The following NALCN variants were observed in gnomAD, a reference collection of about 807,000 sequenced individuals.
NALCN encodes the protein sodium leak channel NALCN.
A neutral mutation model predicts 225.3 loss-of-function variants in NALCN; 111 were observed. The observed-to-expected ratio is 0.49, with a 90% CI of 0.42 to 0.58. The LOEUF (loss-of-function observed/expected upper bound fraction) is 0.58. Ranked by LOEUF, NALCN falls within the 20% of genes least tolerant of loss-of-function variation. The probability of loss-of-function intolerance (pLI) is 0.00; values close to 1 mark genes in which losing one functional copy is unlikely to be tolerated. For missense variants in NALCN, 1,378 were observed against 2,202.4 expected (o/e 0.63, Z 7.49); for synonymous variants, 764 against 769.0 (o/e 0.99, Z 0.11).
intron 25 of NALCN, 90 bp from the exon 26 acceptor site, chr13:101,103,429 T>G: frequency 7.0e-7 from 1 of 1,421,288 alleles, no homozygotes; most frequent in Non-Finnish European, 9.5e-7. Context: ...AACTTTTCAT[T>G]TAGCAGAGAT....
At chr13:101,085,668 AT>A (rs1195824427) in intron 30 of NALCN, among the ~76,000 whole-genome samples, 3 of 152,176 alleles carry the variant, frequency 2.0e-5, no homozygotes, top group African/African-American at 7.2e-5. Context: ...TACCCGATAA[AT>A]ATGTACAATT....
intron 6 of NALCN, among the ~76,000 whole-genome samples, chr13:101,359,780 T>C (rs181832571): frequency 6.6e-6 from 1 of 152,336 alleles, no homozygotes; most frequent in East Asian, 1.9e-4. Flanking sequence ...TACTGAATTT[T>C]TGACAAAATA....
intron 13 of NALCN, among the ~76,000 whole-genome samples, chr13:101,222,629 G>C (rs931915748): frequency 5.9e-5 from 9 of 152,154 alleles, no homozygotes; most frequent in Non-Finnish European, 1.2e-4. Context: ...AGTGATAGAG[G>C]CTGCCCCCTT....
intron 7 of NALCN, among the ~76,000 whole-genome samples, chr13:101,302,364 G>A (rs780887945): frequency 1.5e-4 from 23 of 151,806 alleles, no homozygotes; most frequent in Non-Finnish European, 2.1e-4. Flanking sequence ...AAATAATCTC[G>A]GAATAAAAAG....
chr13:101,059,660 T>C lies in NALCN; in HGVS notation c.4905+158A>G, dbSNP rs374701985. Reference sequence around the variant, plus strand: ...AAGACATAGACATAATCTGGATCAATGGATTTCCGTTGCCTTTTTTTTTTT... The same window carrying C: ...AAGACATAGACATAATCTGGATCAACGGATTTCCGTTGCCTTTTTTTTTTT... On this transcript the variant is annotated intron_variant, in intron 42 of 43. Coordinates refer to ENST00000251127, the MANE Select transcript of NALCN (RefSeq NM_052867.4). Among the ~76,000 whole-genome samples, 65 of 146,534 alleles carry C rather than the reference T, an allele frequency of 4.4e-4. 2 individuals carry two copies. The highest frequency in any genetic ancestry group is 1.6e-3 in the African/African-American group (62 of 39,444).
chr13:101,134,042 C>T (rs1007700004), intron 17 of NALCN, among the ~76,000 whole-genome samples: 1 of 151,998 alleles, frequency 6.6e-6, no homozygotes, highest in Admixed American at 6.6e-5. Flanking sequence ...TGGTGGCGGG[C>T]GCCTGTAGTC....
intron 10 of NALCN, among the ~76,000 whole-genome samples, chr13:101,263,695 T>C (rs774141254): frequency 4.6e-5 from 7 of 152,368 alleles, no homozygotes; most frequent in African/African-American, 7.2e-5. Flanking sequence ...GGTTCAGAGT[T>C]ATTAAAATAA....
chr13:101,165,512 C>T (rs1161137945), intron 15 of NALCN, among the ~76,000 whole-genome samples: 1 of 152,172 alleles, frequency 6.6e-6, no homozygotes, highest in African/African-American at 2.4e-5. Flanking sequence ...CACTCTTGCC[C>T]AGGCCGAAAT....
chr13:101,245,478 C>T (rs56242338), intron 11 of NALCN, among the ~76,000 whole-genome samples: 10,673 of 151,934 alleles, frequency 0.07, 1,065 homozygotes, highest in African/African-American at 0.22. Flanking sequence ...GTTTTGATAC[C>T]TCTACCATAT....
intron 10 of NALCN, among the ~76,000 whole-genome samples, chr13:101,277,813 C>T (rs888168210): frequency 7.9e-5 from 12 of 152,230 alleles, no homozygotes; most frequent in Non-Finnish European, 1.0e-4. Flanking sequence ...GTAGGTAAAA[C>T]ACTCACCTCC....
intron 30 of NALCN, among the ~76,000 whole-genome samples, chr13:101,086,284 A>G (rs2033926805): frequency 6.6e-6 from 1 of 151,984 alleles, no homozygotes; most frequent in South Asian, 2.1e-4. Flanking sequence ...ATTAATATTT[A>G]ACTTGTGATT....
At position 101,258,578 on chromosome 13, in the gene NALCN, AG is replaced by A; in HGVS notation, c.1135-5del. ...AAACGGATGACCGCATCATTTTCTG[AG>A]GGGGCGAAACAGACAGACTCTTAAC... is the stretch of plus-strand genomic sequence containing the variant. On this transcript the variant is annotated splice_polypyrimidine_tract_variant and splice_region_variant and intron_variant, in intron 10 of 43. Transcript: ENST00000251127. The A allele has an allele frequency of 1.2e-6, 2 of 1,614,124 alleles. No individual in the cohort carries two copies. The highest frequency in any genetic ancestry group is 1.7e-6 in the Non-Finnish European group (2 of 1,180,024).
At chr13:101,078,233 G>A in intron 34 of NALCN, among the ~76,000 whole-genome samples, 1 of 151,906 alleles carries the variant, frequency 6.6e-6, no homozygotes, top group Non-Finnish European at 1.5e-5. Context: ...CACACACAGA[G>A]TCCACACACA....
chr13:101,308,237 T>C (rs2044218234), intron 7 of NALCN, among the ~76,000 whole-genome samples: 2 of 152,330 alleles, frequency 1.3e-5, no homozygotes, highest in South Asian at 4.1e-4. Flanking sequence ...TCTTCTCTTC[T>C]TCCTGGGCGC....
rs1388182825 is a variant in NALCN, at chr13:101,237,803, A to T, written c.1386T>A (p.Thr462=). 9.3e-6 allele frequency: 15 copies of T among 1,608,356 alleles called. No individual in the cohort carries two copies. The highest frequency in any genetic ancestry group is 1.3e-5 in the African/African-American group (1 of 74,658). The change falls in exon 12 of 44, where the codon ACT becomes ACA. Residue 462 remains threonine (T), a synonymous_variant. Coordinates refer to ENST00000251127, the MANE Select transcript of NALCN (RefSeq NM_052867.4). ...KFELLLVIGT[T]LHVYPDLYHS... is the part of the protein sequence containing the mutation. Reference sequence around the variant, plus strand: ...GATAAAGATCTGGGTATACATGAAGAGTAGTTCCAATTACGAGTAGTAGTT... The same window carrying T: ...GATAAAGATCTGGGTATACATGAAGTGTAGTTCCAATTACGAGTAGTAGTT...
chr13:101,365,600 C>A (rs2046358518), intron 6 of NALCN, among the ~76,000 whole-genome samples: 1 of 152,104 alleles, frequency 6.6e-6, no homozygotes, highest in South Asian at 2.1e-4. Context: ...TATATTATCT[C>A]TAATTCAACT....
At chr13:101,391,463 G>A (rs911739337) in intron 3 of NALCN, among the ~76,000 whole-genome samples, 18 of 146,846 alleles carry the variant, frequency 1.2e-4, no homozygotes, top group African/African-American at 2.8e-4. Flanking sequence ...TGGGAGGATC[G>A]CTTGAGTCTG....
At chr13:101,206,572 A>G (rs1394124462) in intron 13 of NALCN, among the ~76,000 whole-genome samples, 2 of 142,206 alleles carry the variant, frequency 1.4e-5, no homozygotes, top group Non-Finnish European at 3.2e-5. Flanking sequence ...TTTAAAAAAT[A>G]GTTTTTTTCT....
At chr13:101,115,340 C>T (rs562081537) in intron 18 of NALCN, among the ~76,000 whole-genome samples, 1 of 152,076 alleles carries the variant, frequency 6.6e-6, no homozygotes. Flanking sequence ...ATTAGGGAAG[C>T]CTGAAAGCCA....
Sources: allele counts gnomAD v4.1 joint callset (sites outside exome capture counted in the v4.1 genomes callset), GRCh38; gene constraint gnomAD v4.1.1; transcripts MANE v1.5; gene names NCBI Gene and HGNC (gene_info 2026-07-23, HGNC 2026-07-21).